CDKN2C: variants seen among roughly 807,000 people sequenced by gnomAD.
CDKN2C encodes cyclin-dependent kinase 4 inhibitor C.
Under a neutral mutation model 11.0 loss-of-function variants are expected in CDKN2C, and 5 were observed. That is an observed-to-expected ratio of 0.45 (90% CI 0.24 to 0.95). The LOEUF is 0.95. Among genes scored for constraint, CDKN2C ranks in the 40% least tolerant of loss-of-function variants. CDKN2C has a pLI of 0.21. For synonymous variants in CDKN2C, 79 were observed against 88.3 expected, an observed-to-expected ratio of 0.89 and a Z score of 0.59; for missense variants, 161 against 211.9, an observed-to-expected ratio of 0.76 and a Z score of 1.49.
intron 1 of CDKN2C, among the ~76,000 whole-genome samples, chr1:50,970,875 G>C (rs1269864723): frequency 6.6e-6 from 1 of 152,166 alleles, no homozygotes; most frequent in Non-Finnish European, 1.5e-5. Flanking sequence ...ACTGCTATTA[G>C]TGGTTTTACG....
At chr1:50,966,546 T>C (rs181107057), upstream of CDKN2C, among the ~76,000 whole-genome samples, 337 of 152,326 alleles carry the variant, frequency 2.2e-3, 3 homozygotes, top group African/African-American at 8.0e-3. Flanking sequence ...TATAAGCTTA[T>C]TGAGGGTAGA....
chr1:50,965,497 A>G (rs1645343784), upstream of CDKN2C, among the ~76,000 whole-genome samples: 1 of 150,976 alleles, frequency 6.6e-6, no homozygotes, highest in Non-Finnish European at 1.5e-5. Context: ...CTCTGTCTCA[A>G]AAAAAAAAGA....
chr1:50,967,135 G>A (rs907153671), upstream of CDKN2C, among the ~76,000 whole-genome samples: 1 of 152,078 alleles, frequency 6.6e-6, no homozygotes, highest in African/African-American at 2.4e-5. Flanking sequence ...TCATAAATTG[G>A]ACTAATACCA....
chr1:50,969,980 C>CCA (rs1027693628), upstream of CDKN2C: 62 of 342,556 alleles, frequency 1.8e-4, no homozygotes, highest in African/African-American at 1.3e-3. The surrounding 1 kb of genome is among the most constrained non-coding windows in gnomAD (Gnocchi z 6.6). Flanking sequence ...CCTTGAGTCT[C>CCA]CACACACACT....
At position 50,974,055 on chromosome 1, in the gene CDKN2C, A is replaced by G. The variant is rs1275141080; in HGVS notation, c.292A>G (p.Ile98Val). The G allele has an allele frequency of 6.2e-6, 10 of 1,614,216 alleles. No homozygotes were observed. The highest frequency in any genetic ancestry group is 8.5e-6 in the Non-Finnish European group (10 of 1,180,042). Residue 98 changes from isoleucine (I) to valine (V), a missense_variant, in exon 2 of 2, where the codon ATC becomes GTC. By Grantham distance (29) the Ile-to-Val change is conservative (BLOSUM62 3). Coordinates refer to ENST00000371761, the MANE Select transcript of CDKN2C (RefSeq NM_078626.3). ...TLLEFQADVN[I>V]EDNEGNLPLH... ...GCTGGAGTTTCAAGCTGATGTTAAC[A>G]TCGAGGATAATGAAGGGAACCTGCC...
At chr1:50,965,165 T>C (rs1041357436) in intron 1 of CDKN2C, among the ~76,000 whole-genome samples, 19 of 152,086 alleles carry the variant, frequency 1.2e-4, no homozygotes, top group African/African-American at 4.3e-4. Context: ...TTTTTCAGCT[T>C]TTGGGTTGCT....
In CDKN2C at chr1:50,962,387, A is replaced by C. The variant is rs553290442; in HGVS notation, c.-1976+1584A>C. On this transcript the variant is annotated intron_variant, in intron 1 of 3. Coordinates refer to the CDKN2C transcript ENST00000262662. ...GGTGACAGAGTAAAACTGTTTCAAAATAAATAAATAAATATTTTTTTAAAA... is the reference window on the plus strand; with the variant it reads ...GGTGACAGAGTAAAACTGTTTCAAACTAAATAAATAAATATTTTTTTAAAA... Among the ~76,000 whole-genome samples, 3 of 152,344 alleles carry C rather than the reference A, an allele frequency of 2.0e-5. No homozygotes were observed. In the East Asian group the frequency reaches 5.8e-4, roughly 29 times the overall value.
upstream of CDKN2C, chr1:50,969,579 G>A (rs1349022528): frequency 6.6e-6 from 1 of 152,368 alleles, no homozygotes; most frequent in Non-Finnish European, 1.5e-5. The surrounding 1 kb of genome is among the most constrained non-coding windows in gnomAD (Gnocchi z 6.6). Flanking sequence ...CTGCCTGGCG[G>A]GCGGGCTCCG....
intron 1 of CDKN2C, among the ~76,000 whole-genome samples, chr1:50,961,006 C>CTATTTTT (rs1253206736): frequency 7.5e-6 from 1 of 133,090 alleles, no homozygotes; most frequent in African/African-American, 2.9e-5. Flanking sequence ...TGAATATAGT[C>CTATTTTT]AGTCTATTTT....
chr1:50,970,518 G>C, intron 1 of CDKN2C, 21 bp downstream of exon 1: 1 of 1,613,818 alleles, frequency 6.2e-7, no homozygotes, highest in Non-Finnish European at 8.5e-7. Context: ...AGAGAGGTGG[G>C]GAAAACAAGT....
At chr1:50,961,042 A>G (rs1645317963) in intron 1 of CDKN2C, among the ~76,000 whole-genome samples, 1 of 148,302 alleles carries the variant, frequency 6.7e-6, no homozygotes, top group Non-Finnish European at 1.5e-5. Context: ...TTATTTATTT[A>G]TTTATTATTT....
Position 50,974,473 on chromosome 1 carries a change from A to G in CDKN2C, c.*203A>G, listed in dbSNP as rs560717134. ...TTTAACCTGCAAAATCTGTTCTAACATGTAATTGCAGATAACTTTGACTTT... is the reference window on the plus strand; with the variant it reads ...TTTAACCTGCAAAATCTGTTCTAACGTGTAATTGCAGATAACTTTGACTTT... On this transcript the variant is annotated 3_prime_UTR_variant, in exon 2 of 2. Coordinates refer to ENST00000371761, the MANE Select transcript of CDKN2C (RefSeq NM_078626.3). 11 of 451,144 alleles carry G rather than the reference A, an allele frequency of 2.4e-5. No individual in the cohort carries two copies. In the East Asian group the frequency reaches 3.0e-4, roughly 12 times the overall value. The allele number at this position is 451,144 out of a possible 1,614,324, so 27.9% of individuals were successfully genotyped here. A position where few individuals can be genotyped will look rare whatever the true frequency, so the allele number is the denominator to read the frequency against.
upstream of CDKN2C, among the ~76,000 whole-genome samples, chr1:50,965,262 G>A (rs1645342701): frequency 6.6e-6 from 1 of 152,024 alleles, no homozygotes; most frequent in African/African-American, 2.4e-5. Flanking sequence ...CACTGTGGGA[G>A]GCTGAGTCGG....
intron 1 of CDKN2C, among the ~76,000 whole-genome samples, chr1:50,972,167 G>T (rs1457328849): frequency 6.6e-6 from 1 of 152,104 alleles, no homozygotes; most frequent in Non-Finnish European, 1.5e-5. Context: ...GCTTTACGAA[G>T]ATCCAAGGTA....
chr1:50,970,756 G>A (rs1233927660), intron 1 of CDKN2C, among the ~76,000 whole-genome samples: 5 of 152,120 alleles, frequency 3.3e-5, no homozygotes, highest in African/African-American at 1.2e-4. Context: ...TTTTTGTGAC[G>A]GTGGGGATTT....
Position 50,964,911 on chromosome 1 carries a change from G to A in CDKN2C, c.-1975-3025G>A, listed in dbSNP as rs149887653. 4.8e-3 allele frequency among the ~76,000 whole-genome samples: 734 copies of A among 152,148 alleles called. 8 individuals are homozygous for A. The highest frequency in any genetic ancestry group is 0.039 in the South Asian group (190 of 4,822). ...TCTACTAAAGATACAAAAATTAGCC[G>A]GGCGTGGTGGTGCGCACCTGTAATC... On this transcript the variant is annotated intron_variant, in intron 1 of 3. Coordinates refer to the CDKN2C transcript ENST00000262662.
chr1:50,962,554 TGG>T (rs1645331389), intron 1 of CDKN2C, among the ~76,000 whole-genome samples: 4 of 152,206 alleles, frequency 2.6e-5, no homozygotes, highest in Admixed American at 2.6e-4. Context: ...TCTAGTTATA[TGG>T]CCAAGGATTA....
intron 1 of CDKN2C, among the ~76,000 whole-genome samples, chr1:50,961,798 T>G (rs1057443815): frequency 4.6e-5 from 7 of 152,084 alleles, no homozygotes; most frequent in African/African-American, 1.7e-4. Context: ...CTCCTGAGAG[T>G]GGGGATTACA....
At chr1:50,965,446 G>A (rs537912789), upstream of CDKN2C, among the ~76,000 whole-genome samples, 15 of 152,112 alleles carry the variant, frequency 9.9e-5, no homozygotes, top group East Asian at 1.9e-4. Context: ...GCAGTGAGCC[G>A]GGATCGCGCC....
Sources: allele counts gnomAD v4.1 joint callset (sites outside exome capture counted in the v4.1 genomes callset), GRCh38; gene constraint gnomAD v4.1.1; non-coding constraint Gnocchi (gnomAD v3.1); transcripts MANE v1.5; gene names NCBI Gene and HGNC (gene_info 2026-07-23, HGNC 2026-07-21).